Variants in SLC44A1 observed in about 807,000 individuals in gnomAD.
SLC44A1 encodes choline transporter-like protein 1.
Under a neutral mutation model 79.3 loss-of-function variants are expected in SLC44A1, and 26 were observed. The observed-to-expected ratio is 0.33, with a 90% CI of 0.24 to 0.46. The LOEUF is 0.46. Among genes scored for constraint, SLC44A1 ranks in the 20% least tolerant of loss-of-function variants. The pLI is 1.00. For synonymous variants in SLC44A1, 263 were observed against 286.2 expected (o/e 0.92, Z 0.82); for missense variants, 688 against 798.1 (o/e 0.86, Z 1.66).
intron 13 of SLC44A1, among the ~76,000 whole-genome samples, chr9:105,378,728 T>C (rs1828370318): frequency 6.6e-6 from 1 of 152,216 alleles, no homozygotes; most frequent in Non-Finnish European, 1.5e-5. Flanking sequence ...TAGTTTTTCT[T>C]TCCTAAAAAT....
At chr9:105,367,449 C>T (rs1827975868) in intron 12 of SLC44A1, among the ~76,000 whole-genome samples, 1 of 152,136 alleles carries the variant, frequency 6.6e-6, no homozygotes, top group African/African-American at 2.4e-5. Flanking sequence ...TTTGGAAGCT[C>T]ATTCTTAAAA....
At chr9:105,351,558 G>GAGAA (rs760569093) in intron 5 of SLC44A1, among the ~76,000 whole-genome samples, 1 of 112,040 alleles carries the variant, frequency 8.9e-6, no homozygotes, top group Non-Finnish European at 1.8e-5. Context: ...GAAAGAAAGA[G>GAGAA]AGAAAGAGAG....
intron 15 of SLC44A1, among the ~76,000 whole-genome samples, chr9:105,435,158 C>A (rs537892085): frequency 0.047 from 6,323 of 133,842 alleles, 430 homozygotes; most frequent in African/African-American, 0.17. Context: ...AAAAACAAAA[C>A]AAAACAAAAA....
chr9:105,257,603 G>T (rs1476249091), intron 1 of SLC44A1, among the ~76,000 whole-genome samples: 2 of 152,168 alleles, frequency 1.3e-5, no homozygotes, highest in African/African-American at 2.4e-5. Context: ...GGCTAAATTG[G>T]GTGGCAAGGA....
intron 15 of SLC44A1, among the ~76,000 whole-genome samples, chr9:105,431,947 G>T (rs1387604860): frequency 1.3e-5 from 2 of 152,212 alleles, no homozygotes; most frequent in Non-Finnish European, 2.9e-5. Flanking sequence ...CATTGAGACA[G>T]GGTCTCACTC....
intron 13 of SLC44A1, among the ~76,000 whole-genome samples, chr9:105,378,447 A>G (rs1196173428): frequency 6.6e-6 from 1 of 152,154 alleles, no homozygotes; most frequent in African/African-American, 2.4e-5. Flanking sequence ...ACTAACCTAA[A>G]GCTTGTATTT....
At chr9:105,372,823 G>A (rs558342520) in intron 12 of SLC44A1, among the ~76,000 whole-genome samples, 2 of 146,868 alleles carry the variant, frequency 1.4e-5, no homozygotes, top group Non-Finnish European at 3.0e-5. Context: ...AGTGGCGGGC[G>A]CCTGTAGTCC....
In SLC44A1 at chr9:105,389,851, A is replaced by G; in HGVS notation, c.*795A>G. ...CATTTGTGTGCCTGATTTGAAAGGA[A>G]GCTGGGGCACCCAGCGAGTTTAGCC... On this transcript the variant is annotated 3_prime_UTR_variant, in exon 16 of 16. Transcript: ENST00000374720. 6.9e-7 allele frequency: 1 copy of G among 1,456,922 alleles called. No individual in the cohort carries two copies. Among genetic ancestry groups the G allele is most frequent in the African/African-American group, 1.4e-5 (1 of 69,788 alleles). 90.2% of individuals were successfully genotyped at this position (1,456,922 alleles called of 1,614,324 possible).
In SLC44A1 at chr9:105,392,386, GCT is replaced by G. The variant is rs200002341; in HGVS notation, c.*3347_*3348del. 6,149 of 858,658 alleles carry G rather than the reference GCT, an allele frequency of 7.2e-3. 81 individuals are homozygous for G. The highest frequency in any genetic ancestry group is 7.9e-3 in the Non-Finnish European group (5,785 of 733,056). 53.2% of individuals were successfully genotyped at this position (858,658 alleles called of 1,614,324 possible). On this transcript the variant is annotated 3_prime_UTR_variant, in exon 16 of 16. Coordinates refer to ENST00000374720, the MANE Select transcript of SLC44A1 (RefSeq NM_080546.5). Reference sequence around the variant, plus strand: ...AGAAATGTTTTTCTTTTGTAGAGATGCTCTCTCTCTCTCTCTCTTTTTTTTTT... The same window carrying G: ...AGAAATGTTTTTCTTTTGTAGAGATGCTCTCTCTCTCTCTCTTTTTTTTTT...
intron 1 of SLC44A1, among the ~76,000 whole-genome samples, chr9:105,285,625 G>A (rs1002011589): frequency 6.6e-6 from 1 of 152,172 alleles, no homozygotes; most frequent in Non-Finnish European, 1.5e-5. Context: ...GGGATAGGTG[G>A]TGGAATTAGG....
chr9:105,394,529 A>T lies in SLC44A1; in HGVS notation c.*5473A>T, dbSNP rs1395572450. On this transcript the variant is annotated 3_prime_UTR_variant, in exon 16 of 16. Transcript: ENST00000374720. ...TGAGCCAAAAAAAAAAAAATATCCA[A>T]GAAGAAATAAATAGGGAATCCTTGT... The T allele has an allele frequency of 2.0e-6, 2 of 984,670 alleles. No individual in the cohort carries two copies. The highest frequency in any genetic ancestry group is 2.4e-6 in the Non-Finnish European group (2 of 829,758). 61.0% of individuals were successfully genotyped at this position (984,670 alleles called of 1,614,324 possible).
At chr9:105,359,913 AC>A (rs2131406034) in intron 7 of SLC44A1, among the ~76,000 whole-genome samples, 1 of 152,024 alleles carries the variant, frequency 6.6e-6, no homozygotes, top group East Asian at 1.9e-4. Flanking sequence ...GATCTCATTA[AC>A]TCTTGAGTGC....
At chr9:105,438,192 T>C (rs1001940047) in intron 15 of SLC44A1, 143 of 1,063,084 alleles carry the variant, frequency 1.3e-4, no homozygotes, top group Non-Finnish European at 2.0e-4. Flanking sequence ...TTAAAGACGA[T>C]CCCACACTAT....
chr9:105,268,958 G>C (rs328021), intron 1 of SLC44A1, among the ~76,000 whole-genome samples: 1 of 152,054 alleles, frequency 6.6e-6, no homozygotes, highest in East Asian at 1.9e-4. Context: ...AAGAAAGCCA[G>C]CTTTCCCTTT....
chr9:105,283,207 A>G (rs1830399945), intron 1 of SLC44A1, among the ~76,000 whole-genome samples: 1 of 152,194 alleles, frequency 6.6e-6, no homozygotes, highest in Non-Finnish European at 1.5e-5. Context: ...ATTGTGGAGA[A>G]ACAACCTTGT....
chr9:105,293,109 A>T (rs1345695927), intron 1 of SLC44A1, among the ~76,000 whole-genome samples: 4 of 152,184 alleles, frequency 2.6e-5, no homozygotes, highest in Non-Finnish European at 5.9e-5. Context: ...GTGAACCATG[A>T]TTGTGCCACT....
chr9:105,252,672 T>A (rs1230007430), intron 1 of SLC44A1, among the ~76,000 whole-genome samples: 1 of 152,212 alleles, frequency 6.6e-6, no homozygotes, highest in African/African-American at 2.4e-5. Context: ...TGGGTGAGAC[T>A]TTATGGCAAG....
chr9:105,386,477 AT>A, intron 15 of SLC44A1: 1 of 977,230 alleles, frequency 1.0e-6, no homozygotes, highest in Non-Finnish European at 1.2e-6. Context: ...AAATGATTTG[AT>A]TTATAGCAAG....
At chr9:105,285,837 G>A (rs1408391077) in intron 1 of SLC44A1, among the ~76,000 whole-genome samples, 1 of 152,206 alleles carries the variant, frequency 6.6e-6, no homozygotes, top group South Asian at 2.1e-4. Context: ...TGCTTCAGGT[G>A]ATCTGGATGT....
Sources: allele counts gnomAD v4.1 joint callset (sites outside exome capture counted in the v4.1 genomes callset), GRCh38; gene constraint gnomAD v4.1.1; transcripts MANE v1.5; gene names NCBI Gene and HGNC (gene_info 2026-07-23, HGNC 2026-07-21).